WDR70: variants seen among roughly 807,000 people sequenced by gnomAD.
WDR70 encodes the protein WD repeat-containing protein 70.
WDR70 carries 53 observed loss-of-function variants against 88.6 expected under a neutral mutation model. The ratio of observed to expected loss-of-function variants is 0.60; its 90% CI spans 0.48 to 0.75. The LOEUF (loss-of-function observed/expected upper bound fraction) is 0.75. Among genes scored for constraint, WDR70 ranks in the 30% least tolerant of loss-of-function variants. The pLI, the probability that WDR70 is intolerant of heterozygous loss-of-function variation, is 0.00. For missense variants in WDR70, 610 were observed against 823.2 expected (o/e 0.74, Z 3.17); for synonymous variants, 280 against 270.0 (o/e 1.04, Z -0.36).
intron 10 of WDR70, among the ~76,000 whole-genome samples, chr5:37,658,241 A>G (rs958888457): frequency 2.6e-5 from 4 of 152,052 alleles, no homozygotes; most frequent in Non-Finnish European, 5.9e-5. Flanking sequence ...AAGTCTGCAT[A>G]TAAGTAGACG....
At chr5:37,530,977 A>G (rs958025410) in intron 9 of WDR70, among the ~76,000 whole-genome samples, 3 of 151,884 alleles carry the variant, frequency 2.0e-5, no homozygotes, top group African/African-American at 7.3e-5. Flanking sequence ...TGTATCCCAG[A>G]GGTTTTGATA....
chr5:37,484,676 G>T (rs908205064), intron 8 of WDR70, among the ~76,000 whole-genome samples: 52 of 152,254 alleles, frequency 3.4e-4, no homozygotes, highest in Admixed American at 5.9e-4. Context: ...TTAACTACAG[G>T]TCAATAATTA....
At chr5:37,449,971 C>G (rs1404470275) in intron 7 of WDR70, among the ~76,000 whole-genome samples, 1 of 152,098 alleles carries the variant, frequency 6.6e-6, no homozygotes, top group Non-Finnish European at 1.5e-5. Context: ...TTGTTCAGCT[C>G]CCACTTATGA....
intron 10 of WDR70, among the ~76,000 whole-genome samples, chr5:37,658,852 T>C (rs1745625753): frequency 6.6e-6 from 1 of 152,222 alleles, no homozygotes; most frequent in African/African-American, 2.4e-5. Context: ...TTCTGTTTTG[T>C]ATTATTTTAA....
chr5:37,471,543 C>G (rs1739326950), intron 7 of WDR70, among the ~76,000 whole-genome samples: 1 of 151,330 alleles, frequency 6.6e-6, no homozygotes, highest in Non-Finnish European at 1.5e-5. Context: ...GGCACATATT[C>G]ACTCGCAATT....
At chr5:37,442,513 G>A (rs1229143507) in intron 6 of WDR70, among the ~76,000 whole-genome samples, 1 of 151,882 alleles carries the variant, frequency 6.6e-6, no homozygotes, top group Non-Finnish European at 1.5e-5. Context: ...AGTAAAGATG[G>A]GGTTTCTCCA....
At chr5:37,491,536 G>A (rs1332141203) in intron 8 of WDR70, among the ~76,000 whole-genome samples, 1 of 152,182 alleles carries the variant, frequency 6.6e-6, no homozygotes, top group East Asian at 1.9e-4. Flanking sequence ...GGATACCTCA[G>A]AATGCTTGGA....
chr5:37,430,496 C>T (rs1361862206), intron 5 of WDR70, among the ~76,000 whole-genome samples: 4 of 152,080 alleles, frequency 2.6e-5, no homozygotes, highest in Non-Finnish European at 5.9e-5. Flanking sequence ...ATTAAAATCG[C>T]CCTGTACTAA....
intron 10 of WDR70, among the ~76,000 whole-genome samples, chr5:37,641,216 A>G (rs1017887038): frequency 3.3e-5 from 5 of 151,296 alleles, no homozygotes; most frequent in African/African-American, 7.3e-5. Context: ...TCTGGGTTCA[A>G]ACGATTCTCA....
intron 10 of WDR70, among the ~76,000 whole-genome samples, chr5:37,689,807 C>T (rs1746728626): frequency 1.3e-5 from 2 of 152,212 alleles, no homozygotes; most frequent in Admixed American, 1.3e-4. Context: ...CTCTTCTCCT[C>T]CAAAGATCGC....
intron 5 of WDR70, among the ~76,000 whole-genome samples, chr5:37,408,720 T>G (rs184585191): frequency 6.6e-6 from 1 of 152,098 alleles, no homozygotes; most frequent in Admixed American, 6.6e-5. Context: ...TTATTTTGAA[T>G]TTTTTTGGGT....
At chr5:37,569,633 A>G (rs1316328277) in intron 9 of WDR70, among the ~76,000 whole-genome samples, 1 of 152,146 alleles carries the variant, frequency 6.6e-6, no homozygotes, top group Non-Finnish European at 1.5e-5. Flanking sequence ...TCATTTGTTT[A>G]GTCATACCAC....
intron 8 of WDR70, among the ~76,000 whole-genome samples, chr5:37,512,194 T>G (rs1437430616): frequency 2.0e-5 from 3 of 152,144 alleles, no homozygotes; most frequent in Admixed American, 2.0e-4. Context: ...TCTCTTTTTG[T>G]CTTTTTCTCT....
intron 5 of WDR70, among the ~76,000 whole-genome samples, chr5:37,401,900 G>A (rs1004151416): frequency 6.6e-6 from 1 of 152,106 alleles, no homozygotes; most frequent in Non-Finnish European, 1.5e-5. Flanking sequence ...CATATCCATT[G>A]CGTAAAACAC....
intron 9 of WDR70, among the ~76,000 whole-genome samples, chr5:37,595,473 C>T (rs1412187280): frequency 6.6e-6 from 1 of 152,090 alleles, no homozygotes; most frequent in Non-Finnish European, 1.5e-5. Context: ...GTACTGTATT[C>T]GTGGATCAGA....
chr5:37,514,356 A>ATATATATATATGTATGTATG (rs771375976), intron 8 of WDR70, among the ~76,000 whole-genome samples: 1 of 54,380 alleles, frequency 1.8e-5, no homozygotes, highest in Non-Finnish European at 5.3e-5. Context: ...ATATATATAT[A>ATATATATATATGTATGTATG]TATGTATGTA....
chr5:37,673,802 G>C (rs1392231813), intron 10 of WDR70, among the ~76,000 whole-genome samples: 1 of 151,758 alleles, frequency 6.6e-6, no homozygotes, highest in Non-Finnish European at 1.5e-5. Flanking sequence ...AGTGTGTGTT[G>C]TTTCCCCCTC....
intron 10 of WDR70, among the ~76,000 whole-genome samples, chr5:37,642,038 A>G (rs1282002820): frequency 6.6e-6 from 1 of 152,234 alleles, no homozygotes; most frequent in African/African-American, 2.4e-5. Context: ...TGAAAGGATG[A>G]TTGCTATAAG....
At chr5:37,638,195 G>C (rs1745021620) in intron 10 of WDR70, among the ~76,000 whole-genome samples, 1 of 152,084 alleles carries the variant, frequency 6.6e-6, no homozygotes, top group Non-Finnish European at 1.5e-5. Context: ...TATACAAAAA[G>C]TTTAGATATT....
Sources: allele counts gnomAD v4.1 joint callset (sites outside exome capture counted in the v4.1 genomes callset), GRCh38; gene constraint gnomAD v4.1.1; transcripts MANE v1.5; gene names NCBI Gene and HGNC (gene_info 2026-07-23, HGNC 2026-07-21).